Variants in RBFOX1 observed in about 807,000 individuals in gnomAD.
The protein encoded by RBFOX1 is RNA binding fox-1 homolog 1, also known as RNA binding protein fox-1 homolog 1.
In RBFOX1, 8 loss-of-function variants were observed where a neutral mutation model predicts 57.7. The ratio of observed to expected loss-of-function variants is 0.14; its 90% CI spans 0.08 to 0.25. The LOEUF (loss-of-function observed/expected upper bound fraction) is 0.25, where lower values mean the gene tolerates loss of function less well. RBFOX1 is among the 10% of genes least tolerant of loss of function. The pLI is 1.00. For synonymous variants in RBFOX1, 326 were observed against 222.4 expected (o/e 1.47, Z -4.15); for missense variants, 611 against 548.5 (o/e 1.11, Z -1.14).
At chr16:6,313,404 G>A (rs1217541365) in intron 1 of RBFOX1, among the ~76,000 whole-genome samples, 3 of 152,154 alleles carry the variant, frequency 2.0e-5, no homozygotes, top group East Asian at 1.9e-4. Flanking sequence ...GGAGGAGATG[G>A]CATTGCATTC....
Position 6,348,711 on chromosome 16 carries a change from C to T in RBFOX1, c.-64+31654C>T, listed in dbSNP as rs377355940. On this transcript the variant is annotated intron_variant, in intron 2 of 15. Transcript: ENST00000550418. ...AGCGTGCCACGTTCTTTTAAACAAC[C>T]GGATGTCCCGAGAACTCTCTCAGGA... Among the ~76,000 whole-genome samples, 4 of 152,142 alleles carry T rather than the reference C, an allele frequency of 2.6e-5. 1 individual carries two copies. Among genetic ancestry groups the T allele is most frequent in the Admixed American group, 1.3e-4 (2 of 15,292 alleles).
At chr16:6,578,612 T>TGTGG (rs373655762) in intron 2 of RBFOX1, among the ~76,000 whole-genome samples, 4 of 147,000 alleles carry the variant, frequency 2.7e-5, no homozygotes, top group African/African-American at 9.9e-5. Context: ...TGTGTGTGTG[T>TGTGG]GAGCATGGGA....
chr16:6,740,226 G>A (rs1257789065), intron 3 of RBFOX1, among the ~76,000 whole-genome samples: 3 of 152,040 alleles, frequency 2.0e-5, no homozygotes, highest in Non-Finnish European at 4.4e-5. Flanking sequence ...ACAACCAGAA[G>A]TCTCAGAAAA....
intron 3 of RBFOX1, among the ~76,000 whole-genome samples, chr16:6,758,320 A>C (rs771283470): frequency 1.3e-5 from 2 of 152,080 alleles, no homozygotes; most frequent in Admixed American, 6.6e-5. Context: ...TTTTCCCCCA[A>C]GCATATGTAA....
chr16:5,722,005 G>A (rs769533401), intron 3 of RBFOX1, among the ~76,000 whole-genome samples: 7 of 152,178 alleles, frequency 4.6e-5, no homozygotes, highest in Non-Finnish European at 8.8e-5. Context: ...CAATATTTTT[G>A]TTGCCTGGGT....
intron 4 of RBFOX1, among the ~76,000 whole-genome samples, chr16:7,323,958 G>T (rs568871597): frequency 6.6e-6 from 1 of 152,176 alleles, no homozygotes; most frequent in Non-Finnish European, 1.5e-5. Context: ...TGGATGGATG[G>T]TGTGTTGGTC....
intron 3 of RBFOX1, among the ~76,000 whole-genome samples, chr16:6,992,416 C>T (rs188934824): frequency 6.1e-4 from 93 of 152,162 alleles, no homozygotes; most frequent in Non-Finnish European, 1.0e-3. Flanking sequence ...CGGGGTTTCA[C>T]CATGTTGGCC....
At chr16:6,261,199 A>T (rs980018759) in intron 1 of RBFOX1, among the ~76,000 whole-genome samples, 1 of 152,206 alleles carries the variant, frequency 6.6e-6, no homozygotes, top group Non-Finnish European at 1.5e-5. Flanking sequence ...TCACATTCCC[A>T]GTGGATGAGA....
At chr16:6,909,032 G>A (rs2070846151) in intron 3 of RBFOX1, among the ~76,000 whole-genome samples, 1 of 152,040 alleles carries the variant, frequency 6.6e-6, no homozygotes, top group Non-Finnish European at 1.5e-5. Flanking sequence ...GGTTCTTATT[G>A]TTGCTATAAC....
chr16:6,883,461 C>G (rs2063355395), intron 3 of RBFOX1, among the ~76,000 whole-genome samples: 1 of 152,176 alleles, frequency 6.6e-6, no homozygotes, highest in African/African-American at 2.4e-5. Context: ...TATTTGATTG[C>G]ACTAGCCGCT....
intron 3 of RBFOX1, among the ~76,000 whole-genome samples, chr16:6,873,579 G>A (rs570294958): frequency 6.6e-6 from 1 of 152,028 alleles, no homozygotes; most frequent in Non-Finnish European, 1.5e-5. Context: ...ATAAACTATT[G>A]AGTTAAACAT....
In RBFOX1 at chr16:7,252,598, G is replaced by A. The variant is rs572004267; in HGVS notation, c.27+200500G>A. On this transcript the variant is annotated intron_variant, in intron 4 of 15. Transcript: ENST00000550418. ...AGCAATCTGTTGAGCTTTGGTAGTTGTTAAATGTTTTGGGTGTAGCCTGAG... is the reference window on the plus strand; with the variant it reads ...AGCAATCTGTTGAGCTTTGGTAGTTATTAAATGTTTTGGGTGTAGCCTGAG... Among the ~76,000 whole-genome samples, 52 of 152,086 alleles carry A rather than the reference G, an allele frequency of 3.4e-4. No individual in the cohort carries two copies. The Middle Eastern group carries it at 0.01, about 30-fold the overall frequency.
intron 4 of RBFOX1, among the ~76,000 whole-genome samples, chr16:7,319,191 T>G (rs2096498103): frequency 6.6e-6 from 1 of 152,174 alleles, no homozygotes; most frequent in African/African-American, 2.4e-5. Flanking sequence ...TCCAAGGAAG[T>G]GAGGTCTGTG....
At position 7,520,136 on chromosome 16, in the gene RBFOX1, C is replaced by A. The variant is rs543346797; in HGVS notation, c.270+1747C>A. On this transcript the variant is annotated intron_variant, in intron 5 of 15. Transcript: ENST00000550418. ...TCCTGACCTCGCGATCTGCCTGTCTCGGCCTCCCAAAGTGCTGGGATTACA... is the reference window on the plus strand; with the variant it reads ...TCCTGACCTCGCGATCTGCCTGTCTAGGCCTCCCAAAGTGCTGGGATTACA... Among the ~76,000 whole-genome samples, 4 of 149,814 alleles carry A rather than the reference C, an allele frequency of 2.7e-5. No individual in the cohort carries two copies. The South Asian group carries it at 8.3e-4, about 31-fold the overall frequency.
chr16:6,784,589 A>G (rs2081600434), intron 3 of RBFOX1, among the ~76,000 whole-genome samples: 1 of 152,076 alleles, frequency 6.6e-6, no homozygotes, highest in African/African-American at 2.4e-5. Context: ...GAGGTCACAT[A>G]TCTCTGTATC....
intron 4 of RBFOX1, among the ~76,000 whole-genome samples, chr16:7,338,573 T>C (rs1032335038): frequency 3.9e-5 from 6 of 152,064 alleles, no homozygotes; most frequent in Admixed American, 1.3e-4. Context: ...AAAATTCTTT[T>C]GTAGAGATGA....
At chr16:6,904,145 T>C (rs1407918552) in intron 3 of RBFOX1, among the ~76,000 whole-genome samples, 1 of 152,194 alleles carries the variant, frequency 6.6e-6, no homozygotes, top group Admixed American at 6.5e-5. Context: ...AGATCATTTT[T>C]AAAGGAGAAA....
At chr16:6,900,093 C>G (rs558816541) in intron 3 of RBFOX1, among the ~76,000 whole-genome samples, 1 of 152,098 alleles carries the variant, frequency 6.6e-6, no homozygotes, top group African/African-American at 2.4e-5. Flanking sequence ...AGAACAGTTC[C>G]TGGCACATGA....
intron 2 of RBFOX1, among the ~76,000 whole-genome samples, chr16:6,384,822 A>C (rs1042918620): frequency 3.9e-5 from 6 of 152,164 alleles, no homozygotes; most frequent in Admixed American, 3.9e-4. Context: ...CACATCATGG[A>C]GCTCTTGGTC....
Sources: allele counts gnomAD v4.1 joint callset (sites outside exome capture counted in the v4.1 genomes callset), GRCh38; gene constraint gnomAD v4.1.1; transcripts MANE v1.5; gene names NCBI Gene and HGNC (gene_info 2026-07-23, HGNC 2026-07-21).